MYT1L: variants seen among roughly 807,000 people sequenced by gnomAD.
MYT1L encodes myelin transcription factor 1-like protein.
In MYT1L, 12 loss-of-function variants were observed where a neutral mutation model predicts 126.7. The observed-to-expected ratio is 0.09, with a 90% CI of 0.06 to 0.15. The LOEUF is 0.15. MYT1L is among the 10% of genes least tolerant of loss of function. MYT1L has a pLI of 1.00. For missense variants in MYT1L, 979 were observed against 1,585.2 expected (o/e 0.62, Z 6.49); for synonymous variants, 541 against 604.2 (o/e 0.90, Z 1.53).
At position 1,811,887 on chromosome 2, in the gene MYT1L, A is replaced by T. The variant is rs1382079030; in HGVS notation, c.3081-2720T>A. On this transcript the variant is annotated intron_variant, in intron 21 of 24. Transcript: ENST00000647738. This position sits in a 1 kb window ranked among gnomAD's most constrained non-coding sequence, Gnocchi z 4.4. ...TCAGATCCCAGCAGGACGCCCTGCAAATCCGGCTGGGGTGGGGGCTGACAC... is the reference window on the plus strand; with the variant it reads ...TCAGATCCCAGCAGGACGCCCTGCATATCCGGCTGGGGTGGGGGCTGACAC... 6.6e-6 allele frequency among the ~76,000 whole-genome samples: 1 copy of T among 152,120 alleles called. No individual in the cohort carries two copies. The highest frequency in any genetic ancestry group is 2.4e-5 in the African/African-American group (1 of 41,448).
At position 1,901,243 on chromosome 2, in the gene MYT1L, A is replaced by C. The variant is rs148001301; in HGVS notation, c.2032+1837T>G. On this transcript the variant is annotated intron_variant, in intron 14 of 24. Coordinates refer to ENST00000647738, the MANE Select transcript of MYT1L (RefSeq NM_001303052.2). ...ACCTTAACAATGAAGCTGAAGAAAG[A>C]AATCAGCCCACACGGAACAAGAACA... Among the ~76,000 whole-genome samples, 173 of 152,316 alleles carry C rather than the reference A, an allele frequency of 1.1e-3. 1 individual carries two copies. The highest frequency in any genetic ancestry group is 1.2e-3 in the Non-Finnish European group (80 of 68,026).
intron 2 of MYT1L, among the ~76,000 whole-genome samples, chr2:2,196,393 G>A (rs2092799735): frequency 6.6e-6 from 1 of 151,900 alleles, no homozygotes; most frequent in African/African-American, 2.4e-5. Flanking sequence ...GTAATCCAGA[G>A]ATACATGTAG....
At chr2:2,297,386 G>A (rs957627958) in intron 1 of MYT1L, among the ~76,000 whole-genome samples, 4 of 152,248 alleles carry the variant, frequency 2.6e-5, no homozygotes, top group African/African-American at 9.6e-5. Flanking sequence ...CTGCACAGGG[G>A]CGTAAGCCAG....
chr2:2,120,416 T>G (rs932027539), intron 3 of MYT1L, among the ~76,000 whole-genome samples: 2 of 152,138 alleles, frequency 1.3e-5, no homozygotes, highest in African/African-American at 4.8e-5. Flanking sequence ...AAAATAGTAC[T>G]TACCTCTCTG....
chr2:2,186,292 G>A (rs1427127289), intron 2 of MYT1L, among the ~76,000 whole-genome samples: 1 of 150,128 alleles, frequency 6.7e-6, no homozygotes, highest in Non-Finnish European at 1.5e-5. Flanking sequence ...TTCGTGAGGG[G>A]GACGTAGCCG....
chr2:1,913,511 A>C (rs2149042367), intron 11 of MYT1L, among the ~76,000 whole-genome samples: 1 of 152,214 alleles, frequency 6.6e-6, no homozygotes, highest in Non-Finnish European at 1.5e-5. Flanking sequence ...CTCTCCAGGA[A>C]GCATGTGCGT....
intron 3 of MYT1L, among the ~76,000 whole-genome samples, chr2:2,106,660 T>C (rs944596726): frequency 2.0e-5 from 3 of 152,002 alleles, no homozygotes; most frequent in African/African-American, 7.3e-5. Flanking sequence ...ATAAAATTCA[T>C]CTCCATGAGG....
Position 1,948,447 on chromosome 2 carries a change from A to T in MYT1L, c.153-5113T>A, listed in dbSNP as rs1007606644. 6.6e-5 allele frequency among the ~76,000 whole-genome samples: 10 copies of T among 152,128 alleles called. 1 individual carries two copies. The highest frequency in any genetic ancestry group is 6.5e-5 in the Admixed American group (1 of 15,276). On this transcript the variant is annotated intron_variant, in intron 8 of 24. Coordinates refer to ENST00000647738, the MANE Select transcript of MYT1L (RefSeq NM_001303052.2). ...TCAACCACCAGGCACATTCCATTACATCTGTGTTCAACTCCACGTGGCTCG... is the reference window on the plus strand; with the variant it reads ...TCAACCACCAGGCACATTCCATTACTTCTGTGTTCAACTCCACGTGGCTCG...
intron 21 of MYT1L, among the ~76,000 whole-genome samples, chr2:1,813,831 T>C (rs893753264): frequency 1.5e-5 from 2 of 131,276 alleles, no homozygotes; most frequent in South Asian, 3.2e-4. Context: ...ATCGAGACCA[T>C]CCTGGCTAAC....
chr2:1,809,249 G>C, intron 21 of MYT1L, 82 bp from the exon 22 acceptor site: 1 of 1,326,062 alleles, frequency 7.5e-7, no homozygotes, highest in Non-Finnish European at 1.1e-6. Context: ...GCAAGGCGTA[G>C]AATAGCATTA....
chr2:1,945,531 G>A (rs1298288037), intron 8 of MYT1L, among the ~76,000 whole-genome samples: 1 of 152,186 alleles, frequency 6.6e-6, no homozygotes, highest in Non-Finnish European at 1.5e-5. Flanking sequence ...ACCAGGAGGA[G>A]CTTGCATTGC....
chr2:2,071,102 C>CT (rs1370756812), intron 3 of MYT1L, among the ~76,000 whole-genome samples: 2 of 152,084 alleles, frequency 1.3e-5, no homozygotes, highest in African/African-American at 2.4e-5. Context: ...TCCTGACCCA[C>CT]TGGGGGCTTT....
chr2:2,180,087 G>T (rs540130465), intron 2 of MYT1L, among the ~76,000 whole-genome samples: 1 of 152,306 alleles, frequency 6.6e-6, no homozygotes, highest in African/African-American at 2.4e-5. Context: ...TGTTATCAAA[G>T]AAACTAGGGT....
intron 2 of MYT1L, among the ~76,000 whole-genome samples, chr2:2,251,434 C>T (rs921363148): frequency 2.6e-5 from 4 of 152,142 alleles, no homozygotes; most frequent in South Asian, 2.1e-4. Context: ...CAATGCTGTC[C>T]GCCCACGCCA....
intron 22 of MYT1L, among the ~76,000 whole-genome samples, chr2:1,805,320 T>C (rs973363413): frequency 5.9e-5 from 9 of 152,076 alleles, no homozygotes; most frequent in Non-Finnish European, 1.5e-5. Context: ...CTTGGCCGAG[T>C]CAGTGCCTCA....
intron 4 of MYT1L, among the ~76,000 whole-genome samples, chr2:2,016,425 T>C (rs889101283): frequency 2.6e-5 from 4 of 152,170 alleles, no homozygotes; most frequent in African/African-American, 9.7e-5. Flanking sequence ...CTTTGGAATT[T>C]AAGATGGGGA....
At chr2:1,959,320 G>A (rs199638379) in intron 8 of MYT1L, among the ~76,000 whole-genome samples, 7 of 152,230 alleles carry the variant, frequency 4.6e-5, no homozygotes, top group African/African-American at 9.6e-5. Flanking sequence ...AACTCAGACC[G>A]TCTGGATGTG....
chr2:2,012,836 G>C (rs2063967303), intron 4 of MYT1L, among the ~76,000 whole-genome samples: 1 of 152,162 alleles, frequency 6.6e-6, no homozygotes, highest in South Asian at 2.1e-4. Context: ...GTTGTATGCA[G>C]GGTGCCTCAT....
At chr2:2,277,142 C>T (rs144374306) in intron 2 of MYT1L, among the ~76,000 whole-genome samples, 6 of 152,156 alleles carry the variant, frequency 3.9e-5, no homozygotes, top group Admixed American at 1.3e-4. Context: ...CCACCACCCC[C>T]GGCTAATTTT....
Sources: allele counts gnomAD v4.1 joint callset (sites outside exome capture counted in the v4.1 genomes callset), GRCh38; gene constraint gnomAD v4.1.1; non-coding constraint Gnocchi (gnomAD v3.1); transcripts MANE v1.5; gene names NCBI Gene and HGNC (gene_info 2026-07-23, HGNC 2026-07-21).